The following SPATS2L variants were observed in gnomAD, a reference collection of about 807,000 sequenced individuals.
SPATS2L encodes spermatogenesis associated serine rich 2 like.
Under a neutral mutation model 59.6 loss-of-function variants are expected in SPATS2L, and 30 were observed. That is an observed-to-expected ratio of 0.50 (90% CI 0.38 to 0.68). The LOEUF is 0.68. SPATS2L is among the 30% of genes least tolerant of loss of function. The pLI, the probability that SPATS2L is intolerant of heterozygous loss-of-function variation, is 0.00. For missense variants in SPATS2L, 615 were observed against 700.0 expected (o/e 0.88, Z 1.37); for synonymous variants, 252 against 263.5 (o/e 0.96, Z 0.42).
At chr2:200,405,875 A>G (rs1337590514) in intron 3 of SPATS2L, among the ~76,000 whole-genome samples, 2 of 152,230 alleles carry the variant, frequency 1.3e-5, no homozygotes, top group South Asian at 2.1e-4. Context: ...AGAGCCAGCC[A>G]TATGCTCTGC....
At position 200,478,992 on chromosome 2, in the gene SPATS2L, C is replaced by T. The variant is rs749031182; in HGVS notation, c.*961C>T. ...GATCTCGGCTCACTGCAACCTCCGCCTCCTGGGTTCAAGCCATTCTCCTGC... is the reference window on the plus strand; with the variant it reads ...GATCTCGGCTCACTGCAACCTCCGCTTCCTGGGTTCAAGCCATTCTCCTGC... On this transcript the variant is annotated 3_prime_UTR_variant, in exon 13 of 13. Coordinates refer to ENST00000409140, the MANE Select transcript of SPATS2L (RefSeq NM_001100423.2). 2.0e-5 allele frequency: 3 copies of T among 152,380 alleles called. No homozygotes were observed. The highest frequency in any genetic ancestry group is 4.8e-5 in the African/African-American group (2 of 41,398). The allele number at this position is 152,380 out of a possible 1,614,324, so 9.4% of individuals were successfully genotyped here.
Position 200,315,497 on chromosome 2 carries a change from C to G in SPATS2L, c.-73+8575C>G, listed in dbSNP as rs114840668. ...AGCTGAAACCCTGAGAGCCAGGTCT[C>G]TGAGATTCCCCATCCTGCCGTTGAT... On this transcript the variant is annotated intron_variant, in intron 1 of 12. Transcript: ENST00000409140. Among the ~76,000 whole-genome samples the G allele has an allele frequency of 5.4e-3, 820 of 152,290 alleles. 7 individuals are homozygous for G. The highest frequency in any genetic ancestry group is 8.5e-3 in the Non-Finnish European group (577 of 68,018).
At chr2:200,311,785 A>G (rs2079199594) in intron 1 of SPATS2L, among the ~76,000 whole-genome samples, 1 of 152,228 alleles carries the variant, frequency 6.6e-6, no homozygotes, top group Non-Finnish European at 1.5e-5. Flanking sequence ...TAACAGACGT[A>G]TCCCAGAAAC....
At chr2:200,352,313 T>TATATATATATATATA (rs1559060459) in intron 2 of SPATS2L, among the ~76,000 whole-genome samples, 1 of 8,652 alleles carries the variant, frequency 1.2e-4, no homozygotes, top group Non-Finnish European at 5.9e-4. Context: ...CCAGCAGTTT[T>TATATATATATATATA]TATATATATA....
chr2:200,360,973 G>GTGTGTGTA (rs2081080490), intron 2 of SPATS2L, among the ~76,000 whole-genome samples: 1 of 150,744 alleles, frequency 6.6e-6, no homozygotes, highest in South Asian at 2.1e-4. Flanking sequence ...AGGGCTGTGT[G>GTGTGTGTA]TGTGTGTGTG....
At chr2:200,332,761 AAGTT>A (rs1261661117) in intron 2 of SPATS2L, among the ~76,000 whole-genome samples, 9 of 121,724 alleles carry the variant, frequency 7.4e-5, no homozygotes, top group African/African-American at 2.0e-4. Context: ...AAAAAAAACT[AAGTT>A]AGCTGCCTGT....
intron 4 of SPATS2L, among the ~76,000 whole-genome samples, chr2:200,413,931 ATCT>A (rs1407307310): frequency 6.6e-6 from 1 of 152,224 alleles, no homozygotes; most frequent in Non-Finnish European, 1.5e-5. Flanking sequence ...TGCAGTATTA[ATCT>A]AACTTTGCAG....
intron 1 of SPATS2L, among the ~76,000 whole-genome samples, chr2:200,315,891 G>T (rs1237671205): frequency 1.3e-5 from 2 of 151,126 alleles, no homozygotes; most frequent in Non-Finnish European, 3.0e-5. Flanking sequence ...CTGGCATGGT[G>T]GTGGGCACCT....
At chr2:200,355,586 A>T (rs971078849) in intron 2 of SPATS2L, among the ~76,000 whole-genome samples, 3 of 152,226 alleles carry the variant, frequency 2.0e-5, no homozygotes, top group Non-Finnish European at 4.4e-5. Context: ...GCTGCTTTAC[A>T]GATGGTGAGA....
At chr2:200,467,091 TTGG>T (rs2086655796) in intron 9 of SPATS2L, among the ~76,000 whole-genome samples, 196 bp from the exon 10 acceptor site, 1 of 151,952 alleles carries the variant, frequency 6.6e-6, no homozygotes, top group African/African-American at 2.4e-5. Flanking sequence ...GGCTTGGGGA[TTGG>T]TGGAGGAGGA....
At chr2:200,460,806 T>C (rs1024363971) in intron 9 of SPATS2L, 1 of 147,800 alleles carries the variant, frequency 6.8e-6, no homozygotes, top group Non-Finnish European at 1.5e-5. Context: ...CACTAAACAG[T>C]TTTTTTTTGT....
At chr2:200,466,036 CAAA>C (rs1399304706) in intron 9 of SPATS2L, among the ~76,000 whole-genome samples, 1 of 152,198 alleles carries the variant, frequency 6.6e-6, no homozygotes, top group East Asian at 1.9e-4. Context: ...TGTCTCAAAA[CAAA>C]AGAAGATAAT....
chr2:200,440,634 T>G lies in SPATS2L; in HGVS notation c.653-15T>G. ...AAATGCTCAAGTTAATAATATTTTT[T>G]GACATCAATTTTAGGCCCAAATATT... On this transcript the variant is annotated splice_polypyrimidine_tract_variant and intron_variant, in intron 7 of 12. Transcript: ENST00000409140. 3 of 1,608,046 alleles carry G rather than the reference T, an allele frequency of 1.9e-6. No homozygotes were observed. The highest frequency in any genetic ancestry group is 1.7e-6 in the Non-Finnish European group (2 of 1,175,998).
intron 2 of SPATS2L, chr2:200,383,733 G>C (rs914110748): frequency 1.9e-5 from 4 of 215,678 alleles, no homozygotes; most frequent in African/African-American, 9.4e-5. Context: ...CCCTATTAAC[G>C]GCCCCAAATA....
At chr2:200,403,688 A>T (rs948495371) in intron 3 of SPATS2L, among the ~76,000 whole-genome samples, 1 of 152,110 alleles carries the variant, frequency 6.6e-6, no homozygotes, top group Non-Finnish European at 1.5e-5. Context: ...CATTTCTTAC[A>T]GTTCAGTTTG....
upstream of SPATS2L, chr2:200,306,266 C>T (rs551327110): frequency 4.2e-5 from 42 of 1,002,336 alleles, no homozygotes; most frequent in Middle Eastern, 2.3e-3. Flanking sequence ...GCAGACAGTG[C>T]TGAGGGAGCA....
chr2:200,420,767 T>A (rs2083277330), intron 6 of SPATS2L, among the ~76,000 whole-genome samples: 1 of 152,100 alleles, frequency 6.6e-6, no homozygotes, highest in Admixed American at 6.6e-5. Flanking sequence ...TATATATATA[T>A]TTTTTTAAAA....
chr2:200,327,403 C>CAA (rs34788019), intron 1 of SPATS2L, among the ~76,000 whole-genome samples: 25 of 147,364 alleles, frequency 1.7e-4, no homozygotes, highest in East Asian at 4.0e-4. Flanking sequence ...GACTCCGTCT[C>CAA]AAAAAAAAAA....
chr2:200,326,344 A>G (rs1048089649), intron 1 of SPATS2L, among the ~76,000 whole-genome samples: 2 of 152,244 alleles, frequency 1.3e-5, no homozygotes, highest in African/African-American at 4.8e-5. Flanking sequence ...TCAGATTGTT[A>G]AAGTAGTACA....
Sources: gnomAD v4.1 joint callset for allele counts (sites outside exome capture counted in the v4.1 genomes callset) on GRCh38, gnomAD v4.1.1 for gene constraint, MANE v1.5 for transcripts, NCBI Gene and HGNC (gene_info 2026-07-23, HGNC 2026-07-21) for gene names.